The following GRM1 variants were observed in gnomAD, a reference collection of about 807,000 sequenced individuals.
GRM1 encodes the protein glutamate metabotropic receptor 1, also known as metabotropic glutamate receptor 1.
In GRM1, 33 loss-of-function variants were observed where a neutral mutation model predicts 90.9. That is an observed-to-expected ratio of 0.36 (90% CI 0.28 to 0.49). GRM1 has a LOEUF of 0.49. GRM1 is among the 20% of genes least tolerant of loss of function. The pLI is 0.99. For missense variants in GRM1, 1,190 were observed against 1,534.3 expected (o/e 0.78, Z 3.75); for synonymous variants, 700 against 613.2 (o/e 1.14, Z -2.09).
intron 1 of GRM1, among the ~76,000 whole-genome samples, chr6:146,086,496 G>A (rs915434045): frequency 6.6e-6 from 1 of 152,146 alleles, no homozygotes; most frequent in African/African-American, 2.4e-5. Context: ...ATTTTGGAGA[G>A]GAGTGAAAGA....
intron 3 of GRM1, among the ~76,000 whole-genome samples, chr6:146,351,345 A>G (rs1041720657): frequency 1.3e-5 from 2 of 151,446 alleles, no homozygotes; most frequent in African/African-American, 4.9e-5. Flanking sequence ...TCAGGAACCA[A>G]CTAAAGTCTC....
intron 5 of GRM1, among the ~76,000 whole-genome samples, chr6:146,372,837 G>T (rs954466841): frequency 6.6e-6 from 1 of 152,080 alleles, no homozygotes; most frequent in Non-Finnish European, 1.5e-5. Context: ...TTTTATGCCA[G>T]TACTCTGCTG....
Position 146,415,241 on chromosome 6 carries a change from G to A in GRM1, c.2660+15542G>A, listed in dbSNP as rs143710856. On this transcript the variant is annotated intron_variant, in intron 7 of 7. Transcript: ENST00000282753. ...GGCAGAGACATTGGAAAACTCCCTG[G>A]GGTCTCTTTCATAAAGGTAGTAATC... is the stretch of plus-strand genomic sequence containing the variant. 5.3e-3 allele frequency among the ~76,000 whole-genome samples: 812 copies of A among 152,128 alleles called. 8 individuals carry two copies. Among genetic ancestry groups the A allele is most frequent in the African/African-American group, 0.017 (718 of 41,498 alleles).
intron 5 of GRM1, among the ~76,000 whole-genome samples, chr6:146,366,402 A>G (rs925797046): frequency 6.6e-6 from 1 of 152,152 alleles, no homozygotes; most frequent in Non-Finnish European, 1.5e-5. Context: ...ATTGTTAACT[A>G]TAGTCCCCCT....
At chr6:146,373,327 A>G (rs1410065194) in intron 5 of GRM1, among the ~76,000 whole-genome samples, 2 of 152,142 alleles carry the variant, frequency 1.3e-5, no homozygotes, top group African/African-American at 4.8e-5. Flanking sequence ...CAGGCTTCTG[A>G]TTCTCAGAAA....
intron 7 of GRM1, among the ~76,000 whole-genome samples, chr6:146,414,227 T>TTAAATAC (rs1777677624): frequency 6.6e-6 from 1 of 152,130 alleles, no homozygotes; most frequent in African/African-American, 2.4e-5. Flanking sequence ...CTAATGCGTA[T>TTAAATAC]GTAGAGGTAT....
At chr6:146,328,069 TG>T (rs949531022) in intron 3 of GRM1, among the ~76,000 whole-genome samples, 3 of 152,160 alleles carry the variant, frequency 2.0e-5, no homozygotes, top group African/African-American at 7.2e-5. Flanking sequence ...CTCATAAAAA[TG>T]AAACATATTT....
At chr6:146,094,315 C>T (rs1776807708) in intron 1 of GRM1, among the ~76,000 whole-genome samples, 1 of 151,986 alleles carries the variant, frequency 6.6e-6, no homozygotes. Context: ...GGGAGCCTGT[C>T]CCTCTAGGTT....
chr6:146,325,007 T>G (rs754750644), intron 3 of GRM1, among the ~76,000 whole-genome samples: 1 of 152,206 alleles, frequency 6.6e-6, no homozygotes, highest in Non-Finnish European at 1.5e-5. Flanking sequence ...TCCAGTAAAT[T>G]AATTATAGGT....
intron 1 of GRM1, among the ~76,000 whole-genome samples, chr6:146,074,302 C>T (rs1776112724): frequency 6.6e-6 from 1 of 152,042 alleles, no homozygotes; most frequent in Admixed American, 6.6e-5. Flanking sequence ...GTGATTTTGC[C>T]TGGTTGTTTC....
At chr6:146,031,934 A>G (rs1253927258) in intron 1 of GRM1, among the ~76,000 whole-genome samples, 1 of 152,190 alleles carries the variant, frequency 6.6e-6, no homozygotes, top group Non-Finnish European at 1.5e-5. Context: ...GATTATTAAT[A>G]TTGGAAGTAT....
At chr6:146,295,405 T>C (rs1191649734) in intron 2 of GRM1, among the ~76,000 whole-genome samples, 4 of 145,626 alleles carry the variant, frequency 2.7e-5, no homozygotes, top group Admixed American at 1.4e-4. Flanking sequence ...TTTTTTTTTG[T>C]AGTTTTTAGT....
intron 2 of GRM1, among the ~76,000 whole-genome samples, chr6:146,164,391 T>G (rs1777838011): frequency 6.6e-6 from 1 of 152,176 alleles, no homozygotes; most frequent in Non-Finnish European, 1.5e-5. Flanking sequence ...GTTGTTTATT[T>G]TCCTTCATGC....
chr6:146,374,660 T>C (rs1776028217), intron 5 of GRM1, among the ~76,000 whole-genome samples: 1 of 152,140 alleles, frequency 6.6e-6, no homozygotes. Flanking sequence ...TGGCATACAG[T>C]TGTTCATAGT....
intron 5 of GRM1, among the ~76,000 whole-genome samples, chr6:146,376,728 A>G (rs1233296478): frequency 6.6e-6 from 1 of 151,946 alleles, no homozygotes; most frequent in East Asian, 1.9e-4. Context: ...ACCTAATACT[A>G]TGATTATTAA....
chr6:146,218,816 C>T (rs1013187988), intron 2 of GRM1, among the ~76,000 whole-genome samples: 2 of 151,964 alleles, frequency 1.3e-5, no homozygotes, highest in African/African-American at 4.8e-5. Flanking sequence ...CAAGGGAAAC[C>T]GAGAAGAGAA....
intron 2 of GRM1, among the ~76,000 whole-genome samples, chr6:146,189,026 T>C (rs970203849): frequency 2.0e-5 from 3 of 152,130 alleles, no homozygotes; most frequent in African/African-American, 7.2e-5. Flanking sequence ...CATAACGTGG[T>C]TGAGAGAGAG....
chr6:146,275,439 A>G (rs529768608), intron 2 of GRM1, among the ~76,000 whole-genome samples: 29 of 152,160 alleles, frequency 1.9e-4, no homozygotes, highest in African/African-American at 6.5e-4. Flanking sequence ...GTGGGAATCA[A>G]GTTCATTTCA....
intron 1 of GRM1, among the ~76,000 whole-genome samples, chr6:146,077,715 T>G (rs1023347741): frequency 2.0e-5 from 3 of 152,262 alleles, no homozygotes; most frequent in Admixed American, 6.5e-5. Context: ...TAAATTTCCT[T>G]ATCTTTAAAG....
Sources: gnomAD v4.1 joint callset for allele counts (sites outside exome capture counted in the v4.1 genomes callset) on GRCh38, gnomAD v4.1.1 for gene constraint, MANE v1.5 for transcripts, NCBI Gene and HGNC (gene_info 2026-07-23, HGNC 2026-07-21) for gene names.